NBEA: variants seen among roughly 807,000 people sequenced by gnomAD.
NBEA encodes the protein neurobeachin.
A neutral mutation model predicts 343.4 loss-of-function variants in NBEA; 44 were observed. The ratio of observed to expected loss-of-function variants is 0.13; its 90% CI spans 0.10 to 0.16. The LOEUF is 0.16. Among genes scored for constraint, NBEA ranks in the 10% least tolerant of loss-of-function variants. NBEA has a pLI of 1.00. For synonymous variants in NBEA, 1,175 were observed against 1,238.7 expected (o/e 0.95, Z 1.08); for missense variants, 2,555 against 3,631.3 (o/e 0.70, Z 7.62).
intron 38 of NBEA, among the ~76,000 whole-genome samples, chr13:35,395,115 A>G (rs1355514229): frequency 3.3e-5 from 5 of 152,150 alleles, no homozygotes; most frequent in African/African-American, 4.8e-5. Flanking sequence ...AACATACTCC[A>G]TGTAATTTCA....
intron 41 of NBEA, chr13:35,475,923 G>T: frequency 6.2e-7 from 1 of 1,614,168 alleles, no homozygotes; most frequent in Non-Finnish European, 8.5e-7. Flanking sequence ...CTTCAAATTC[G>T]GTGGGGGAGA....
intron 41 of NBEA, chr13:35,475,497 C>G (rs140025297): frequency 1.2e-6 from 2 of 1,612,374 alleles, no homozygotes; most frequent in South Asian, 2.2e-5. Context: ...AGGAGTGGCA[C>G]TCCTTGGACA....
intron 41 of NBEA, among the ~76,000 whole-genome samples, chr13:35,539,953 A>G (rs552350579): frequency 3.5e-5 from 5 of 142,574 alleles, no homozygotes; most frequent in African/African-American, 1.3e-4. Flanking sequence ...GTGCACTAGT[A>G]TTTGTAATAC....
intron 1 of NBEA, among the ~76,000 whole-genome samples, chr13:34,980,697 T>C (rs2060327886): frequency 6.6e-6 from 1 of 152,016 alleles, no homozygotes. Context: ...TAGGAGGAAA[T>C]TGGTTACTAT....
At chr13:35,214,472 C>G (rs2073956152) in intron 33 of NBEA, among the ~76,000 whole-genome samples, 1 of 151,532 alleles carries the variant, frequency 6.6e-6, no homozygotes. Flanking sequence ...TTTATGTTTT[C>G]TTTCCTATTG....
chr13:35,113,674 A>G (rs951990048), intron 13 of NBEA, among the ~76,000 whole-genome samples: 37 of 151,918 alleles, frequency 2.4e-4, no homozygotes, highest in Non-Finnish European at 4.6e-4. Context: ...CATGTATTCA[A>G]TGTGTTATAT....
intron 1 of NBEA, among the ~76,000 whole-genome samples, chr13:34,993,742 T>C (rs2060840907): frequency 6.6e-6 from 1 of 152,320 alleles, no homozygotes; most frequent in African/African-American, 2.4e-5. Context: ...TGCGGAACAT[T>C]ATGTCCAATA....
At chr13:35,539,859 G>T (rs1010435733) in intron 41 of NBEA, among the ~76,000 whole-genome samples, 6 of 134,532 alleles carry the variant, frequency 4.5e-5, no homozygotes, top group Admixed American at 8.5e-5. Context: ...GAGCTTGCAG[G>T]GAGCCGAGAT....
intron 40 of NBEA, among the ~76,000 whole-genome samples, chr13:35,456,715 A>G (rs1019321491): frequency 1.3e-5 from 2 of 151,980 alleles, no homozygotes; most frequent in African/African-American, 4.8e-5. Context: ...CATCCCACCA[A>G]TGAAACGTAT....
intron 52 of NBEA, among the ~76,000 whole-genome samples, chr13:35,650,422 C>G (rs1451183601): frequency 6.6e-6 from 1 of 152,174 alleles, no homozygotes; most frequent in South Asian, 2.1e-4. Flanking sequence ...TCTCCAAACT[C>G]TTTCCTGAAA....
intron 48 of NBEA, among the ~76,000 whole-genome samples, chr13:35,626,172 A>G (rs2083221023): frequency 6.6e-6 from 1 of 152,218 alleles, no homozygotes; most frequent in Non-Finnish European, 1.5e-5. Context: ...TTTTAACCCT[A>G]TATATTTTTA....
At chr13:35,491,602 C>T (rs1280877438) in intron 41 of NBEA, among the ~76,000 whole-genome samples, 1 of 151,842 alleles carries the variant, frequency 6.6e-6, no homozygotes, top group African/African-American at 2.4e-5. Flanking sequence ...CCAGACTCTG[C>T]CCATCTCTCA....
chr13:35,630,060 ATAAAT>A (rs145867986), intron 49 of NBEA, among the ~76,000 whole-genome samples: 29,232 of 151,540 alleles, frequency 0.19, 3,090 homozygotes, highest in Non-Finnish European at 0.24. Flanking sequence ...ACAAAATAAA[ATAAAT>A]TAAATAAATT....
At chr13:35,367,080 G>A (rs889756996) in intron 38 of NBEA, among the ~76,000 whole-genome samples, 5 of 151,156 alleles carry the variant, frequency 3.3e-5, no homozygotes, top group African/African-American at 4.8e-5. Context: ...AATACTAAAA[G>A]TATGCTATAT....
At chr13:35,002,431 A>G (rs2061172414) in intron 1 of NBEA, among the ~76,000 whole-genome samples, 1 of 152,186 alleles carries the variant, frequency 6.6e-6, no homozygotes, top group African/African-American at 2.4e-5. Flanking sequence ...AAAGTACTGG[A>G]GATGAGGCTA....
chr13:35,600,489 A>G (rs895585557), intron 47 of NBEA, among the ~76,000 whole-genome samples: 1 of 152,332 alleles, frequency 6.6e-6, no homozygotes, highest in East Asian at 1.9e-4. Context: ...TACAGGATGC[A>G]CTTTGGTACT....
intron 11 of NBEA, among the ~76,000 whole-genome samples, chr13:35,100,769 C>T (rs1337358430): frequency 2.0e-5 from 3 of 151,804 alleles, no homozygotes; most frequent in Non-Finnish European, 2.9e-5. Context: ...TCCTAGATTT[C>T]GAATAAGATT....
At chr13:35,358,747 T>C (rs966759245) in intron 38 of NBEA, among the ~76,000 whole-genome samples, 9 of 151,908 alleles carry the variant, frequency 5.9e-5, no homozygotes, top group Non-Finnish European at 1.3e-4. Flanking sequence ...ATAAAAGATA[T>C]AAAACTTTGG....
At chr13:35,072,526 T>C (rs748779384) in intron 10 of NBEA, among the ~76,000 whole-genome samples, 5 of 151,970 alleles carry the variant, frequency 3.3e-5, no homozygotes, top group Admixed American at 6.6e-5. Context: ...ACCTTTTCAG[T>C]GATGTCTATT....
Sources: gnomAD v4.1 joint callset for allele counts (sites outside exome capture counted in the v4.1 genomes callset) on GRCh38, gnomAD v4.1.1 for gene constraint, MANE v1.5 for transcripts, NCBI Gene and HGNC (gene_info 2026-07-23, HGNC 2026-07-21) for gene names.